The following ARHGAP31 variants were observed in gnomAD, a reference collection of about 807,000 sequenced individuals.
ARHGAP31 encodes the protein Rho GTPase activating protein 31.
Under a neutral mutation model 113.9 loss-of-function variants are expected in ARHGAP31, and 34 were observed. That is an observed-to-expected ratio of 0.30 (90% CI 0.23 to 0.40). The LOEUF (loss-of-function observed/expected upper bound fraction) is 0.40. Among genes scored for constraint, ARHGAP31 ranks in the 10% least tolerant of loss-of-function variants. ARHGAP31 has a pLI of 1.00. For synonymous variants in ARHGAP31, 650 were observed against 684.8 expected, an observed-to-expected ratio of 0.95 and a Z score of 0.79; for missense variants, 1,548 against 1,767.1, an observed-to-expected ratio of 0.88 and a Z score of 2.22.
chr3:119,345,278 G>A (rs920331938), intron 1 of ARHGAP31, among the ~76,000 whole-genome samples: 6 of 152,098 alleles, frequency 3.9e-5, no homozygotes, highest in African/African-American at 7.2e-5. Flanking sequence ...GTGCCACCAC[G>A]CCCGGCCCGG....
rs116852106 is a variant in ARHGAP31, at chr3:119,401,682, G to T, written c.1070-140G>T. 8 of 778,032 alleles carry T rather than the reference G, an allele frequency of 1.0e-5. No homozygotes were observed. The East Asian group carries it at 2.1e-4, about 21-fold the overall frequency. 48.2% of individuals were successfully genotyped at this position (778,032 alleles called of 1,614,324 possible). ...CTCTTTTGTCATCCAGATGTTACCT[G>T]TCTTTATCTGGGCGGTTATGCCCCT... On this transcript the variant is annotated intron_variant, in intron 9 of 11. Coordinates refer to ENST00000264245, the MANE Select transcript of ARHGAP31 (RefSeq NM_020754.4).
Position 119,402,089 on chromosome 3 carries a change from C to G in ARHGAP31, c.1337C>G (p.Thr446Arg). ...RPVEDPESEQ[T>R]APKMLGMFYT... ...GTTGAGGATCCGGAGAGCGAGCAAACAGCCCCAAAGATGTTGGGTATGTTC... is the reference window on the plus strand; with the variant it reads ...GTTGAGGATCCGGAGAGCGAGCAAAGAGCCCCAAAGATGTTGGGTATGTTC... Residue 446 changes from threonine (T) to arginine (R), a missense_variant, in exon 10 of 12, where the codon ACA becomes AGA. By Grantham distance (71) the Thr-to-Arg change is moderately conservative. Coordinates refer to ENST00000264245, the MANE Select transcript of ARHGAP31 (RefSeq NM_020754.4). 1.9e-6 allele frequency: 3 copies of G among 1,614,234 alleles called. No individual in the cohort carries two copies. Among genetic ancestry groups the G allele is most frequent in the Non-Finnish European group, 2.5e-6 (3 of 1,180,046 alleles).
In ARHGAP31 at chr3:119,414,284, T is replaced by G. The variant is rs767091253; in HGVS notation, c.2355T>G (p.Pro785=). The G allele has an allele frequency of 6.2e-7, 1 of 1,614,010 alleles. No homozygotes were observed. Among genetic ancestry groups the G allele is most frequent in the South Asian group, 1.1e-5 (1 of 91,062 alleles). The change falls in exon 12 of 12, where the codon CCT becomes CCG. Residue 785 remains proline (P), a synonymous_variant. Transcript: ENST00000264245. ...TGTCTCCTCCACTCCCACCTGCTCC[T>G]CCCCCTCCAACTCCTCTGGAGGAGT... is the stretch of plus-strand genomic sequence containing the variant. ...GNLSPPLPPA[P]PPPTPLEEST...
At chr3:119,363,696 C>T (rs927508304) in intron 1 of ARHGAP31, among the ~76,000 whole-genome samples, 5 of 152,194 alleles carry the variant, frequency 3.3e-5, no homozygotes, top group African/African-American at 1.2e-4. Flanking sequence ...CGTCTACCCA[C>T]ATAAAGATCC....
chr3:119,308,860 A>C (rs542772756), intron 1 of ARHGAP31, among the ~76,000 whole-genome samples: 1 of 152,132 alleles, frequency 6.6e-6, no homozygotes, highest in African/African-American at 2.4e-5. Flanking sequence ...GTTAAATTTT[A>C]GACAGGGTCT....
chr3:119,358,436 G>A (rs190565474), intron 1 of ARHGAP31, among the ~76,000 whole-genome samples: 12 of 152,290 alleles, frequency 7.9e-5, no homozygotes, highest in African/African-American at 2.6e-4. Context: ...AAACAGTTTG[G>A]CAGTGCCTCA....
At chr3:119,413,713 C>T in intron 11 of ARHGAP31, 143 bp from the exon 12 acceptor site, 1 of 1,112,782 alleles carries the variant, frequency 9.0e-7, no homozygotes, top group South Asian at 1.4e-5. Context: ...CTCAAATAGC[C>T]ACAGGTATTA....
chr3:119,414,954 G>C lies in ARHGAP31; in HGVS notation c.3025G>C (p.Glu1009Gln), dbSNP rs1437152224. The change falls in exon 12 of 12, where the codon GAG becomes CAG. Residue 1009 changes from glutamate to glutamine, a missense_variant. Physicochemically the swap from Glu to Gln is conservative, Grantham distance 29. Coordinates refer to ENST00000264245, the MANE Select transcript of ARHGAP31 (RefSeq NM_020754.4). ...TGAGAAAGCCCTGAGGTCCTTCAGA[G>C]AGTTCTCTGGCCTGAAAGGGGCAGA... ...WDEKALRSFREFSGLKGAEAP... is the reference protein window; with the variant it reads ...WDEKALRSFRQFSGLKGAEAP... 6.2e-7 allele frequency: 1 copy of C among 1,614,204 alleles called. No individual in the cohort carries two copies. Among genetic ancestry groups the C allele is most frequent in the Admixed American group, 1.7e-5 (1 of 60,030 alleles).
intron 1 of ARHGAP31, among the ~76,000 whole-genome samples, chr3:119,343,447 C>T (rs529037677): frequency 6.6e-6 from 1 of 152,288 alleles, no homozygotes; most frequent in African/African-American, 2.4e-5. Context: ...GTGCCTGGCC[C>T]ACAGTAAATG....
intron 6 of ARHGAP31, among the ~76,000 whole-genome samples, chr3:119,390,381 A>G (rs151010739): frequency 6.6e-6 from 1 of 152,226 alleles, no homozygotes; most frequent in Non-Finnish European, 1.5e-5. Context: ...TCTGGCAGTT[A>G]GGCTATCTCT....
intron 1 of ARHGAP31, among the ~76,000 whole-genome samples, chr3:119,301,399 T>C (rs564945626): frequency 6.6e-6 from 1 of 152,314 alleles, no homozygotes; most frequent in Admixed American, 6.5e-5. Flanking sequence ...GAGGGAAACA[T>C]GTTGAAACTA....
rs1167423440 is a variant in ARHGAP31, at chr3:119,414,688, C to G, written c.2759C>G (p.Ser920Cys). 6.2e-7 allele frequency: 1 copy of G among 1,614,204 alleles called. No homozygotes were observed. Among genetic ancestry groups the G allele is most frequent in the Non-Finnish European group, 8.5e-7 (1 of 1,180,036 alleles). Residue 920 changes from serine to cysteine, a missense_variant, in exon 12 of 12, where the codon TCT (serine) becomes TGT (cysteine). Ser to Cys is a moderately radical substitution (Grantham distance 112). Transcript: ENST00000264245. ...CAGTGGGTGACGAGTCCCCTTCACTCTCCCACCCTGAAAGACGCGCACAAG... is the reference window on the plus strand; with the variant it reads ...CAGTGGGTGACGAGTCCCCTTCACTGTCCCACCCTGAAAGACGCGCACAAG... ...EPQWVTSPLH[S>C]PTLKDAHKAQ...
At chr3:119,379,919 G>C (rs1577020054) in intron 3 of ARHGAP31, among the ~76,000 whole-genome samples, 1 of 152,224 alleles carries the variant, frequency 6.6e-6, no homozygotes, top group East Asian at 1.9e-4. Flanking sequence ...CACTGCAGTG[G>C]GAGGGGCCGT....
At chr3:119,371,625 T>A (rs888793817) in intron 3 of ARHGAP31, among the ~76,000 whole-genome samples, 3 of 152,216 alleles carry the variant, frequency 2.0e-5, no homozygotes, top group Non-Finnish European at 2.9e-5. Flanking sequence ...CAAACCTACT[T>A]GCACAGCTAA....
intron 10 of ARHGAP31, among the ~76,000 whole-genome samples, chr3:119,404,748 G>A (rs1455209888): frequency 6.6e-6 from 1 of 152,180 alleles, no homozygotes; most frequent in Non-Finnish European, 1.5e-5. Context: ...AGTAAGTAGT[G>A]CATTTTAACT....
chr3:119,339,921 C>G (rs1407066759), intron 1 of ARHGAP31, among the ~76,000 whole-genome samples: 1 of 152,142 alleles, frequency 6.6e-6, no homozygotes, highest in African/African-American at 2.4e-5. Context: ...AAAAATTGAT[C>G]AACTGGACCT....
chr3:119,325,746 G>A (rs1183787447), intron 1 of ARHGAP31, among the ~76,000 whole-genome samples: 1 of 152,226 alleles, frequency 6.6e-6, no homozygotes, highest in Non-Finnish European at 1.5e-5. Flanking sequence ...GAAACTCAGG[G>A]AAAGGAGAGA....
At chr3:119,298,845 G>A (rs922095185) in intron 1 of ARHGAP31, 9 of 211,094 alleles carry the variant, frequency 4.3e-5, no homozygotes, top group East Asian at 1.2e-4. Flanking sequence ...CGTCTTCACC[G>A]CCTATATACT....
At chr3:119,411,746 A>G (rs1270384780) in intron 11 of ARHGAP31, among the ~76,000 whole-genome samples, 1 of 152,184 alleles carries the variant, frequency 6.6e-6, no homozygotes. Flanking sequence ...TGATAAAGTA[A>G]TCCCACAGAG....
Sources: allele counts gnomAD v4.1 joint callset (sites outside exome capture counted in the v4.1 genomes callset), GRCh38; gene constraint gnomAD v4.1.1; transcripts MANE v1.5; gene names NCBI Gene and HGNC (gene_info 2026-07-23, HGNC 2026-07-21).